SMYD3: variants seen among roughly 807,000 people sequenced by gnomAD.
SMYD3 encodes histone-lysine N-methyltransferase SMYD3.
SMYD3 carries 36 observed loss-of-function variants against 57.7 expected under a neutral mutation model. The observed-to-expected ratio is 0.62, with a 90% CI of 0.48 to 0.82. The LOEUF (loss-of-function observed/expected upper bound fraction) is 0.82. SMYD3 is among the 40% of genes least tolerant of loss of function. The probability of loss-of-function intolerance (pLI) is 0.00; values close to 1 mark genes in which losing one functional copy is unlikely to be tolerated. For missense variants in SMYD3, 515 were observed against 538.8 expected (o/e 0.96, Z 0.44); for synonymous variants, 211 against 195.0 (o/e 1.08, Z -0.68).
intron 5 of SMYD3, among the ~76,000 whole-genome samples, chr1:246,234,620 G>GAATATATACCATGTAGGGGAGAA (rs1558336784): frequency 3.3e-5 from 5 of 152,266 alleles, no homozygotes; most frequent in South Asian, 4.1e-4. Flanking sequence ...ACACTGTGAT[G>GAATATATACCATGTAGGGGAGAA]GCTATTGGCC....
rs774039795 is a variant in SMYD3 at position 245,749,362 on chromosome 1, T to G, written c.*201A>C. On this transcript the variant is annotated 3_prime_UTR_variant, in exon 12 of 12. Coordinates refer to ENST00000490107, the MANE Select transcript of SMYD3 (RefSeq NM_001167740.2). ...CCAGATGGCATCCTCAACCAAATGT[T>G]TTGAATTTATTATAATCGTGCTTCT... 212 of 497,034 alleles carry G rather than the reference T, an allele frequency of 4.3e-4. 1 individual carries two copies. The highest frequency in any genetic ancestry group is 2.5e-3 in the Middle Eastern group (5 of 1,984). The allele number at this position is 497,034 out of a possible 1,614,324, so 30.8% of individuals were successfully genotyped here.
At position 246,221,932 on chromosome 1, in the gene SMYD3, C is replaced by T. The variant is rs986525019; in HGVS notation, c.531+105269G>A. On this transcript the variant is annotated intron_variant, in intron 5 of 11. Coordinates refer to ENST00000490107, the MANE Select transcript of SMYD3 (RefSeq NM_001167740.2). ...GCCAGAAAAGTGACACCCCAAAGAC[C>T]CCATGACAGTATGACTTATATCCTG... Among the ~76,000 whole-genome samples, 7 of 152,254 alleles carry T rather than the reference C, an allele frequency of 4.6e-5. 1 individual carries two copies. Among genetic ancestry groups the T allele is most frequent in the African/African-American group, 1.4e-4 (6 of 41,494 alleles).
At chr1:246,236,184 AAAT>A (rs140858885) in intron 5 of SMYD3, among the ~76,000 whole-genome samples, 4,563 of 152,226 alleles carry the variant, frequency 0.03, 302 homozygotes, top group East Asian at 0.24. Context: ...CTTAATAAAG[AAAT>A]ATTATGATAA....
rs1572744249 is a variant in SMYD3, at chr1:245,939,698, G to C, written c.532-9761C>G. 2.6e-5 allele frequency among the ~76,000 whole-genome samples: 4 copies of C among 152,200 alleles called. No homozygotes were observed. The East Asian group carries it at 7.7e-4, about 29-fold the overall frequency. ...AGGCTGACTGTTGGGTCCAGATCTGGTCCCCATCAACTTTTCTAGTCTCTT... is the reference window on the plus strand; with the variant it reads ...AGGCTGACTGTTGGGTCCAGATCTGCTCCCCATCAACTTTTCTAGTCTCTT... On this transcript the variant is annotated intron_variant, in intron 5 of 11. Transcript: ENST00000490107.
Position 246,002,320 on chromosome 1 carries a change from G to A in SMYD3, c.532-72383C>T, listed in dbSNP as rs1257471428. Among the ~76,000 whole-genome samples, 140 of 74,988 alleles carry A rather than the reference G, an allele frequency of 1.9e-3. 36 individuals are homozygous for A. The highest frequency in any genetic ancestry group is 4.3e-3 in the Non-Finnish European group (122 of 28,122). The allele number at this position is 74,988 out of a possible 152,430, so 49.2% of individuals were successfully genotyped here. A position where few individuals can be genotyped will look rare whatever the true frequency, so the allele number is the denominator to read the frequency against. On this transcript the variant is annotated intron_variant, in intron 5 of 11. Coordinates refer to ENST00000490107, the MANE Select transcript of SMYD3 (RefSeq NM_001167740.2). ...CTGCCTCAGCCTCCCGAGTAGCTGG[G>A]ACTGCAGGCTCCCGCCACCACGCCC...
intron 1 of SMYD3, among the ~76,000 whole-genome samples, chr1:246,466,087 G>A (rs2067877021): frequency 6.6e-6 from 1 of 152,192 alleles, no homozygotes; most frequent in African/African-American, 2.4e-5. Context: ...TACACTGTTG[G>A]TGGGAATGTA....
intron 10 of SMYD3, among the ~76,000 whole-genome samples, chr1:245,834,798 C>A (rs1308666108): frequency 6.6e-6 from 1 of 152,092 alleles, no homozygotes; most frequent in South Asian, 2.1e-4. Flanking sequence ...TTGACAAGGT[C>A]TTTTAGGGTA....
At chr1:246,375,032 G>A (rs1572434755) in intron 1 of SMYD3, among the ~76,000 whole-genome samples, 1 of 152,196 alleles carries the variant, frequency 6.6e-6, no homozygotes, top group Non-Finnish European at 1.5e-5. Context: ...GGTGGAGGTT[G>A]CAGTGAGCCG....
At chr1:246,193,357 A>G (rs377506870) in intron 5 of SMYD3, among the ~76,000 whole-genome samples, 2 of 152,362 alleles carry the variant, frequency 1.3e-5, no homozygotes, top group African/African-American at 4.8e-5. Context: ...ACTTGTCCAT[A>G]AAAAGCAAAA....
chr1:246,078,734 AG>A (rs2060587510), intron 5 of SMYD3, among the ~76,000 whole-genome samples: 1 of 152,220 alleles, frequency 6.6e-6, no homozygotes, highest in Non-Finnish European at 1.5e-5. Context: ...GTGTGGCTGA[AG>A]AAAAACACCT....
At chr1:246,135,587 A>G (rs1323002686) in intron 5 of SMYD3, among the ~76,000 whole-genome samples, 1 of 152,074 alleles carries the variant, frequency 6.6e-6, no homozygotes. Context: ...TGATCCCAAT[A>G]TCAATCACCT....
At chr1:246,079,304 C>T (rs1342267406) in intron 5 of SMYD3, among the ~76,000 whole-genome samples, 1 of 152,048 alleles carries the variant, frequency 6.6e-6, no homozygotes, top group African/African-American at 2.4e-5. Flanking sequence ...TTTCTGGCTT[C>T]TAGCAAAAAA....
chr1:246,329,960 A>T (rs7518917), intron 4 of SMYD3, among the ~76,000 whole-genome samples: 103,579 of 152,050 alleles, frequency 0.68, 36,021 homozygotes, highest in Middle Eastern at 0.77. Context: ...TAGCACTCAG[A>T]TATGGGAAGC....
chr1:246,002,239 C>A (rs1450676268), intron 5 of SMYD3, among the ~76,000 whole-genome samples: 1 of 147,952 alleles, frequency 6.8e-6, no homozygotes, highest in Non-Finnish European at 1.5e-5. Flanking sequence ...GGCTGGAGTG[C>A]TGTGGCGCGA....
intron 5 of SMYD3, among the ~76,000 whole-genome samples, chr1:246,230,427 AGGAAAAT>A (rs1347016089): frequency 2.0e-5 from 3 of 152,258 alleles, no homozygotes; most frequent in Non-Finnish European, 4.4e-5. Flanking sequence ...TGACAACGTA[AGGAAAAT>A]GGGAAAGGGA....
intron 5 of SMYD3, among the ~76,000 whole-genome samples, chr1:246,082,023 G>A (rs1454606264): frequency 3.9e-5 from 6 of 152,222 alleles, no homozygotes; most frequent in Non-Finnish European, 2.9e-5. Flanking sequence ...AATCTGGCGT[G>A]ACTAACTTTA....
In SMYD3 at chr1:246,206,282, G is replaced by GGAAA. The variant is rs2062998993; in HGVS notation, c.531+120918_531+120919insTTTC. On this transcript the variant is annotated intron_variant, in intron 5 of 11. Transcript: ENST00000490107. ...TCAAAATGGGGAAGGAAGGAAGGAAGGGAAACCTACATTGAAATCTATTCT... is the reference window on the plus strand; with the variant it reads ...TCAAAATGGGGAAGGAAGGAAGGAAGGAAAGGAAACCTACATTGAAATCTATTCT... Among the ~76,000 whole-genome samples the GGAAA allele has an allele frequency of 1.3e-5, 2 of 151,488 alleles. 1 individual carries two copies. Among genetic ancestry groups the GGAAA allele is most frequent in the South Asian group, 4.2e-4 (2 of 4,788 alleles).
At chr1:246,179,035 G>C (rs1465284184) in intron 5 of SMYD3, 6 of 153,102 alleles carry the variant, frequency 3.9e-5, no homozygotes, top group African/African-American at 1.2e-4. Context: ...CAAGGGCTCA[G>C]ATTATATAAA....
chr1:245,800,650 T>C (rs955722945), intron 10 of SMYD3, among the ~76,000 whole-genome samples: 1 of 152,186 alleles, frequency 6.6e-6, no homozygotes, highest in African/African-American at 2.4e-5. Flanking sequence ...CATCTGTGGA[T>C]AACAAATGAT....
Sources: allele counts gnomAD v4.1 joint callset (sites outside exome capture counted in the v4.1 genomes callset), GRCh38; gene constraint gnomAD v4.1.1; transcripts MANE v1.5; gene names NCBI Gene and HGNC (gene_info 2026-07-23, HGNC 2026-07-21).